The following CLTB variants were observed in gnomAD, a reference collection of about 807,000 sequenced individuals.
CLTB encodes the protein clathrin light chain B, also known as clathrin, light chain (Lcb).
In CLTB, 10 loss-of-function variants were observed where a neutral mutation model predicts 30.5. The observed-to-expected ratio is 0.33, with a 90% CI of 0.20 to 0.56. The LOEUF (loss-of-function observed/expected upper bound fraction) is 0.56, where lower values mean the gene tolerates loss of function less well. Ranked by LOEUF, CLTB falls within the 20% of genes least tolerant of loss-of-function variation. CLTB has a pLI of 0.91. For missense variants in CLTB, 261 were observed against 308.3 expected, an observed-to-expected ratio of 0.85 and a Z score of 1.15; for synonymous variants, 102 against 120.3, an observed-to-expected ratio of 0.85 and a Z score of 1.00.
chr5:176,396,886 C>G (rs776013631), intron 4 of CLTB, among the ~76,000 whole-genome samples: 2 of 152,170 alleles, frequency 1.3e-5, no homozygotes, highest in African/African-American at 2.4e-5. Context: ...TCCCTGGCCC[C>G]CTGTTGCCTA....
At chr5:176,396,603 G>A (rs1756535549) in intron 4 of CLTB, 71 bp from the exon 5 acceptor site, 1 of 1,089,022 alleles carries the variant, frequency 9.2e-7, no homozygotes, top group Non-Finnish European at 1.4e-6. Context: ...GCAGGCAGAA[G>A]GTTAGAGAGA....
At chr5:176,395,047 C>A (rs1308974911) in intron 5 of CLTB, among the ~76,000 whole-genome samples, 1 of 152,052 alleles carries the variant, frequency 6.6e-6, no homozygotes, top group African/African-American at 2.4e-5. Context: ...GCTTTGCAAC[C>A]AGCCCCAAGC....
At chr5:176,394,553 C>T (rs921549062) in intron 5 of CLTB, among the ~76,000 whole-genome samples, 9 of 151,878 alleles carry the variant, frequency 5.9e-5, no homozygotes, top group Non-Finnish European at 7.4e-5. Context: ...CGCGGTGGCT[C>T]ATGCCTGTAA....
At position 176,392,570 on chromosome 5, in the gene CLTB, G is replaced by C. The variant is rs1292844627; in HGVS notation, c.*204C>G. On this transcript the variant is annotated 3_prime_UTR_variant, in exon 6 of 6. Coordinates refer to ENST00000310418, the MANE Select transcript of CLTB (RefSeq NM_007097.5). The surrounding 1 kb of genome is among the most constrained non-coding windows in gnomAD (Gnocchi z 5.2). ...GGACAGTCACAATTGAGTAGACTGA[G>C]AGGAGGCGTGAGGGGCTGGACCAGA... The C allele has an allele frequency of 5.8e-5, 34 of 583,760 alleles. No individual in the cohort carries two copies. The highest frequency in any genetic ancestry group is 9.2e-6 in the Non-Finnish European group (3 of 327,650). 36.2% of individuals were successfully genotyped at this position (583,760 alleles called of 1,614,324 possible). A position where few individuals can be genotyped will look rare whatever the true frequency, so the allele number is the denominator to read the frequency against.
intron 2 of CLTB, among the ~76,000 whole-genome samples, chr5:176,402,639 AG>A (rs1247042925): frequency 6.6e-6 from 1 of 152,212 alleles, no homozygotes; most frequent in African/African-American, 2.4e-5. Context: ...CAGCACCGGG[AG>A]GGCCTGGCTG....
intron 1 of CLTB, among the ~76,000 whole-genome samples, chr5:176,410,932 G>A (rs1420410719): frequency 6.6e-6 from 1 of 152,148 alleles, no homozygotes; most frequent in East Asian, 1.9e-4. Flanking sequence ...CATTTGATTA[G>A]TCACAAATTC....
chr5:176,392,742 C>G lies in CLTB; in HGVS notation c.*32G>C, dbSNP rs768545653. 2 of 1,611,196 alleles carry G rather than the reference C, an allele frequency of 1.2e-6. No homozygotes were observed. Among genetic ancestry groups the G allele is most frequent in the Non-Finnish European group, 1.7e-6 (2 of 1,178,534 alleles). ...TGCTCCTCCTGTGCCCAGGCCCAGCCCATGCTCTGTGGCCATGCACCTAGC... is the reference window on the plus strand; with the variant it reads ...TGCTCCTCCTGTGCCCAGGCCCAGCGCATGCTCTGTGGCCATGCACCTAGC... On this transcript the variant is annotated 3_prime_UTR_variant, in exon 6 of 6. Transcript: ENST00000310418. The surrounding 1 kb of genome is among the most constrained non-coding windows in gnomAD (Gnocchi z 5.2).
chr5:176,398,366 TA>T (rs1475565211), intron 2 of CLTB, among the ~76,000 whole-genome samples: 1 of 152,138 alleles, frequency 6.6e-6, no homozygotes, highest in East Asian at 1.9e-4. Context: ...TAAAATGGGC[TA>T]AATAACAGTA....
At chr5:176,414,945 C>G (rs569924275) in intron 1 of CLTB, among the ~76,000 whole-genome samples, 2 of 152,148 alleles carry the variant, frequency 1.3e-5, no homozygotes, top group Non-Finnish European at 2.9e-5. Context: ...CTGTGAAGAG[C>G]CTTGTAAACA....
chr5:176,397,696 T>TTCC lies in CLTB; in HGVS notation c.372_374dup (p.Glu125dup). 1.2e-6 allele frequency: 2 copies of TTCC among 1,613,842 alleles called. No individual in the cohort carries two copies. The highest frequency in any genetic ancestry group is 1.7e-6 in the Non-Finnish European group (2 of 1,179,880). ...TCTTGGCCTTCTCCCGCCATTCCTGTTCCGTGACCTTAGATGCAGCATCTA... is the reference window on the plus strand; with the variant it reads ...TCTTGGCCTTCTCCCGCCATTCCTGTTCCTCCGTGACCTTAGATGCAGCATCTA... On this transcript the variant is annotated inframe_insertion, in exon 4 of 6. Coordinates refer to ENST00000310418, the MANE Select transcript of CLTB (RefSeq NM_007097.5).
intron 2 of CLTB, among the ~76,000 whole-genome samples, chr5:176,401,110 G>C (rs1403099875): frequency 6.6e-6 from 1 of 152,192 alleles, no homozygotes; most frequent in Non-Finnish European, 1.5e-5. Context: ...GGCCCTTCTG[G>C]GGCCCTTCTC....
In CLTB at chr5:176,397,595, C is replaced by T. The variant is rs565900575; in HGVS notation, c.464+12G>A. The T allele has an allele frequency of 1.6e-4, 234 of 1,469,008 alleles. 4 individuals carry two copies. In the East Asian group the frequency reaches 6.1e-3, roughly 39 times the overall value. The allele number at this position is 1,469,008 out of a possible 1,614,324, so 91.0% of individuals were successfully genotyped here. A position where few individuals can be genotyped will look rare whatever the true frequency, so the allele number is the denominator to read the frequency against. On this transcript the variant is annotated intron_variant, in intron 4 of 5. Transcript: ENST00000310418. ...TCCCCATGGCCCCCTCATGTCCCTACAGCCCTCTCACCGGTTGTTGATCTT... is the reference window on the plus strand; with the variant it reads ...TCCCCATGGCCCCCTCATGTCCCTATAGCCCTCTCACCGGTTGTTGATCTT...
chr5:176,414,930 C>T (rs778366645), intron 1 of CLTB, among the ~76,000 whole-genome samples: 6 of 152,326 alleles, frequency 3.9e-5, no homozygotes, highest in Admixed American at 6.5e-5. Context: ...TGGATACAAA[C>T]ATGACTGTGA....
rs532390422 is a variant in CLTB at position 176,409,326 on chromosome 5, T to C, written c.234+931A>G. Among the ~76,000 whole-genome samples the C allele has an allele frequency of 2.4e-4, 36 of 149,844 alleles. No individual in the cohort carries two copies. In the South Asian group the frequency reaches 7.4e-3, roughly 31 times the overall value. ...AAAAAAAAAAAAGGACCATACTGTGTATATTATTCTGCAAGCTGCTTTTTC... is the reference window on the plus strand; with the variant it reads ...AAAAAAAAAAAAGGACCATACTGTGCATATTATTCTGCAAGCTGCTTTTTC... On this transcript the variant is annotated intron_variant, in intron 2 of 5. Coordinates refer to ENST00000310418, the MANE Select transcript of CLTB (RefSeq NM_007097.5).
intron 2 of CLTB, chr5:176,405,503 A>AAAAAGAAAAAG: frequency 6.9e-6 from 1 of 144,024 alleles, no homozygotes. Context: ...AAAAAAAAAA[A>AAAAAGAAAAAG]AAAAAGAAAA....
At chr5:176,397,071 T>G (rs1756558489) in intron 4 of CLTB, among the ~76,000 whole-genome samples, 1 of 152,112 alleles carries the variant, frequency 6.6e-6, no homozygotes, top group South Asian at 2.1e-4. Flanking sequence ...CTACTGTATT[T>G]GAGCTTAGTT....
intron 2 of CLTB, among the ~76,000 whole-genome samples, chr5:176,403,290 T>C (rs572902841): frequency 2.6e-4 from 39 of 152,196 alleles, no homozygotes; most frequent in Admixed American, 7.2e-4. Context: ...TCTCAGGTGA[T>C]CCACCCACCT....
intron 1 of CLTB, among the ~76,000 whole-genome samples, chr5:176,411,547 G>A (rs951869018): frequency 6.6e-6 from 1 of 152,114 alleles, no homozygotes; most frequent in Non-Finnish European, 1.5e-5. Flanking sequence ...TCCTCCTGCA[G>A]TATTAAGCGC....
intron 2 of CLTB, among the ~76,000 whole-genome samples, chr5:176,398,879 G>T (rs1756678256): frequency 6.6e-6 from 1 of 151,708 alleles, no homozygotes; most frequent in South Asian, 2.1e-4. Context: ...GTGTCCCTCT[G>T]TTTCCCAGGC....
Sources: allele counts gnomAD v4.1 joint callset (sites outside exome capture counted in the v4.1 genomes callset), GRCh38; gene constraint gnomAD v4.1.1; non-coding constraint Gnocchi (gnomAD v3.1); transcripts MANE v1.5; gene names NCBI Gene and HGNC (gene_info 2026-07-23, HGNC 2026-07-21).